The following MAN2A1 variants were observed in gnomAD, a reference collection of about 807,000 sequenced individuals.
MAN2A1 encodes the protein alpha-mannosidase 2.
In MAN2A1, 76 loss-of-function variants were observed where a neutral mutation model predicts 142.6. That is an observed-to-expected ratio of 0.53 (90% CI 0.44 to 0.65). The LOEUF is 0.65. Ranked by LOEUF, MAN2A1 falls within the 30% of genes least tolerant of loss-of-function variation. MAN2A1 has a pLI of 0.00. For synonymous variants in MAN2A1, 559 were observed against 473.2 expected, an observed-to-expected ratio of 1.18 and a Z score of -2.35; for missense variants, 1,311 against 1,365.1, an observed-to-expected ratio of 0.96 and a Z score of 0.62.
chr5:109,799,703 G>A (rs999285360), intron 12 of MAN2A1, among the ~76,000 whole-genome samples: 5 of 150,904 alleles, frequency 3.3e-5, no homozygotes, highest in Admixed American at 6.6e-5. Flanking sequence ...GTGGTGAGCC[G>A]AGGTTGCACC....
intron 4 of MAN2A1, among the ~76,000 whole-genome samples, chr5:109,736,263 A>C (rs565499359): frequency 4.9e-4 from 75 of 152,302 alleles, no homozygotes; most frequent in African/African-American, 1.6e-3. Flanking sequence ...TGTAGTTTAG[A>C]TACACTAGTT....
In MAN2A1 at chr5:109,697,068, T is replaced by A. The variant is rs775799167; in HGVS notation, c.135+6516T>A. Reference sequence around the variant, plus strand: ...GGGTCAGGTCATTGTAAATAGATCATCTTTTACTTTCTTCCAGCTGAATTA... The same window carrying A: ...GGGTCAGGTCATTGTAAATAGATCAACTTTTACTTTCTTCCAGCTGAATTA... On this transcript the variant is annotated intron_variant, in intron 1 of 21. Transcript: ENST00000261483. Among the ~76,000 whole-genome samples, 15 of 152,214 alleles carry A rather than the reference T, an allele frequency of 9.9e-5. 1 individual carries two copies. The highest frequency in any genetic ancestry group is 4.6e-4 in the Admixed American group (7 of 15,280).
At chr5:109,862,848 A>G (rs866898399) in intron 20 of MAN2A1, 1 of 152,214 alleles carries the variant, frequency 6.6e-6, no homozygotes, top group South Asian at 2.1e-4. Flanking sequence ...TCGTTTTTAC[A>G]AAAGTGATGT....
At chr5:109,750,732 A>T (rs993186656) in intron 4 of MAN2A1, among the ~76,000 whole-genome samples, 3 of 152,116 alleles carry the variant, frequency 2.0e-5, no homozygotes, top group Non-Finnish European at 4.4e-5. Context: ...ATGACATAAT[A>T]TCTTGGCATT....
At chr5:109,734,458 A>G (rs1325049092) in intron 4 of MAN2A1, among the ~76,000 whole-genome samples, 1 of 151,634 alleles carries the variant, frequency 6.6e-6, no homozygotes, top group Admixed American at 6.6e-5. Context: ...TTTAATTGTG[A>G]TGTTAGGGTG....
chr5:109,818,752 A>T (rs896140584), intron 13 of MAN2A1, among the ~76,000 whole-genome samples: 1 of 152,232 alleles, frequency 6.6e-6, no homozygotes, highest in Non-Finnish European at 1.5e-5. Context: ...ATTGAGAATG[A>T]TCATACAGGT....
chr5:109,797,121 A>T (rs890385881), intron 12 of MAN2A1, among the ~76,000 whole-genome samples: 7 of 152,192 alleles, frequency 4.6e-5, no homozygotes, highest in African/African-American at 1.7e-4. Context: ...TTCTTTGAGG[A>T]TAAGTGATTG....
intron 3 of MAN2A1, among the ~76,000 whole-genome samples, chr5:109,726,474 A>C (rs1377274184): frequency 1.3e-5 from 2 of 152,204 alleles, no homozygotes; most frequent in Non-Finnish European, 2.9e-5. Context: ...TGGTGATATC[A>C]GTATGAGTTT....
intron 16 of MAN2A1, among the ~76,000 whole-genome samples, chr5:109,825,092 G>A (rs1754721851): frequency 6.6e-6 from 1 of 152,160 alleles, no homozygotes; most frequent in Admixed American, 6.5e-5. Context: ...AGGAAAACCT[G>A]TAGTTCTGAA....
At chr5:109,806,947 A>T (rs527243313) in intron 12 of MAN2A1, among the ~76,000 whole-genome samples, 2 of 152,210 alleles carry the variant, frequency 1.3e-5, no homozygotes, top group African/African-American at 4.8e-5. Context: ...AAACTTTCAT[A>T]TATTAGGAAG....
At chr5:109,715,460 T>C (rs547771541) in intron 2 of MAN2A1, among the ~76,000 whole-genome samples, 2 of 152,070 alleles carry the variant, frequency 1.3e-5, no homozygotes, top group East Asian at 3.9e-4. Context: ...TTCCTTTGCA[T>C]CCCAACATTA....
chr5:109,845,160 G>A (rs1755314829), intron 17 of MAN2A1, among the ~76,000 whole-genome samples: 1 of 151,994 alleles, frequency 6.6e-6, no homozygotes, highest in South Asian at 2.1e-4. Flanking sequence ...ATTTTTATGT[G>A]GTATCATTAA....
chr5:109,815,965 T>C (rs1030594243), intron 12 of MAN2A1, among the ~76,000 whole-genome samples: 2 of 152,222 alleles, frequency 1.3e-5, no homozygotes, highest in Non-Finnish European at 2.9e-5. Flanking sequence ...CTCTTTGAAA[T>C]ACTCTTCATT....
chr5:109,796,772 T>A (rs550923790), intron 12 of MAN2A1, among the ~76,000 whole-genome samples: 2 of 152,338 alleles, frequency 1.3e-5, no homozygotes, highest in African/African-American at 4.8e-5. Context: ...TTAAACCTTT[T>A]GGAAACTTGC....
Position 109,837,089 on chromosome 5 carries a change from C to T in MAN2A1, c.2567-5239C>T, listed in dbSNP as rs534341833. On this transcript the variant is annotated intron_variant, in intron 16 of 21. Transcript: ENST00000261483. ...TTGAAGGGCATCTAGTATGTCTTCCCATTTTTTTGTTCCTAGTGCCAGTAT... is the reference window on the plus strand; with the variant it reads ...TTGAAGGGCATCTAGTATGTCTTCCTATTTTTTTGTTCCTAGTGCCAGTAT... Among the ~76,000 whole-genome samples the T allele has an allele frequency of 2.7e-5, 4 of 147,574 alleles. No homozygotes were observed. The South Asian group carries it at 9.0e-4, about 33-fold the overall frequency.
At chr5:109,728,673 C>T (rs1235952171) in intron 3 of MAN2A1, among the ~76,000 whole-genome samples, 1 of 152,126 alleles carries the variant, frequency 6.6e-6, no homozygotes, top group Non-Finnish European at 1.5e-5. Context: ...CTACAGTTCT[C>T]TTTTTGAAAA....
At chr5:109,711,617 T>C (rs1252417254) in intron 1 of MAN2A1, among the ~76,000 whole-genome samples, 3 of 152,202 alleles carry the variant, frequency 2.0e-5, no homozygotes, top group African/African-American at 7.2e-5. Context: ...TCTGAGGATC[T>C]GGAATCTACA....
At chr5:109,773,949 A>G (rs2112656234) in intron 7 of MAN2A1, among the ~76,000 whole-genome samples, 1 of 152,294 alleles carries the variant, frequency 6.6e-6, no homozygotes, top group African/African-American at 2.4e-5. Context: ...ATCCACTTGT[A>G]TAATTTCATT....
At chr5:109,843,126 C>T (rs1377638213) in intron 17 of MAN2A1, among the ~76,000 whole-genome samples, 2 of 152,078 alleles carry the variant, frequency 1.3e-5, no homozygotes, top group Non-Finnish European at 2.9e-5. Context: ...TTAGCCCACT[C>T]TCACACTGCT....
Sources: gnomAD v4.1 joint callset for allele counts (sites outside exome capture counted in the v4.1 genomes callset) on GRCh38, gnomAD v4.1.1 for gene constraint, MANE v1.5 for transcripts, NCBI Gene and HGNC (gene_info 2026-07-23, HGNC 2026-07-21) for gene names.